Variants in FBXL7 observed in about 807,000 individuals in gnomAD.
The protein encoded by FBXL7 is F-box/LRR-repeat protein 7.
Under a neutral mutation model 38.3 loss-of-function variants are expected in FBXL7, and 12 were observed. The ratio of observed to expected loss-of-function variants is 0.31; its 90% CI spans 0.20 to 0.51. FBXL7 has a LOEUF of 0.51. Among genes scored for constraint, FBXL7 ranks in the 20% least tolerant of loss-of-function variants. FBXL7 has a pLI of 0.98. For synonymous variants in FBXL7, 297 were observed against 300.9 expected, an observed-to-expected ratio of 0.99 and a Z score of 0.13; for missense variants, 567 against 676.4, an observed-to-expected ratio of 0.84 and a Z score of 1.79.
At chr5:15,815,386 T>C (rs1287395268) in intron 2 of FBXL7, among the ~76,000 whole-genome samples, 1 of 152,196 alleles carries the variant, frequency 6.6e-6, no homozygotes, top group Non-Finnish European at 1.5e-5. Context: ...GCAAACTTGC[T>C]AAGCTCTTTG....
chr5:15,822,622 C>CTTTTT (rs371800054), intron 2 of FBXL7, among the ~76,000 whole-genome samples: 32 of 131,772 alleles, frequency 2.4e-4, no homozygotes, highest in African/African-American at 3.2e-4. Context: ...GCTGGTTGCT[C>CTTTTT]TTTTTTTTTT....
intron 2 of FBXL7, among the ~76,000 whole-genome samples, chr5:15,642,648 A>G (rs1182393259): frequency 6.6e-6 from 1 of 152,224 alleles, no homozygotes; most frequent in Admixed American, 6.5e-5. Context: ...GTGGGTTGCC[A>G]TGGAGCAAAC....
At chr5:15,732,652 T>G (rs1378966031) in intron 2 of FBXL7, among the ~76,000 whole-genome samples, 12 of 152,256 alleles carry the variant, frequency 7.9e-5, no homozygotes, top group Admixed American at 7.9e-4. Flanking sequence ...AGTTCATATA[T>G]GTTAAGATTA....
chr5:15,738,920 C>A (rs148875784), intron 2 of FBXL7, among the ~76,000 whole-genome samples: 8 of 152,330 alleles, frequency 5.3e-5, no homozygotes, highest in African/African-American at 1.9e-4. Flanking sequence ...TGATGCCTGT[C>A]CACAGACATC....
chr5:15,634,897 C>T (rs543971997), intron 2 of FBXL7, among the ~76,000 whole-genome samples: 5 of 152,166 alleles, frequency 3.3e-5, no homozygotes, highest in African/African-American at 7.2e-5. Context: ...TCATAAAAAG[C>T]CTTGTGATTA....
chr5:15,749,691 T>C (rs972259699), intron 2 of FBXL7, among the ~76,000 whole-genome samples: 1 of 152,216 alleles, frequency 6.6e-6, no homozygotes, highest in African/African-American at 2.4e-5. Flanking sequence ...AAGACATCAG[T>C]AATGAAAATA....
intron 2 of FBXL7, among the ~76,000 whole-genome samples, chr5:15,850,728 A>G (rs937811278): frequency 1.2e-4 from 19 of 152,160 alleles, no homozygotes; most frequent in African/African-American, 4.1e-4. Flanking sequence ...AGGCTCAGAT[A>G]TCCTAGCTGT....
At chr5:15,502,553 T>C (rs1561007397) in intron 1 of FBXL7, among the ~76,000 whole-genome samples, 1 of 152,176 alleles carries the variant, frequency 6.6e-6, no homozygotes, top group Non-Finnish European at 1.5e-5. Context: ...AGAGGACCAA[T>C]AGGAAGCTTT....
At chr5:15,712,081 G>T (rs1743892285) in intron 2 of FBXL7, among the ~76,000 whole-genome samples, 1 of 152,096 alleles carries the variant, frequency 6.6e-6, no homozygotes, top group Non-Finnish European at 1.5e-5. Flanking sequence ...AGATCCCAGA[G>T]CTTATGTTAT....
intron 2 of FBXL7, among the ~76,000 whole-genome samples, chr5:15,831,460 A>C (rs1738454200): frequency 6.6e-6 from 1 of 152,176 alleles, no homozygotes; most frequent in South Asian, 2.1e-4. Context: ...CACAACAGCT[A>C]GCTAGCCTCA....
At chr5:15,512,139 T>G (rs1040898697) in intron 1 of FBXL7, among the ~76,000 whole-genome samples, 4 of 152,188 alleles carry the variant, frequency 2.6e-5, no homozygotes, top group African/African-American at 9.6e-5. Flanking sequence ...CTCTTATCCT[T>G]TGTTGTTGAA....
At chr5:15,740,225 G>T (rs1366788429) in intron 2 of FBXL7, among the ~76,000 whole-genome samples, 3 of 152,158 alleles carry the variant, frequency 2.0e-5, no homozygotes, top group African/African-American at 4.8e-5. Flanking sequence ...TGTATGTGAA[G>T]ATCATTCTCT....
chr5:15,755,162 T>A (rs895020520), intron 2 of FBXL7, among the ~76,000 whole-genome samples: 2 of 152,202 alleles, frequency 1.3e-5, no homozygotes, highest in Non-Finnish European at 2.9e-5. Flanking sequence ...AAAACAAGTT[T>A]GTAAATATAT....
chr5:15,789,276 G>A (rs1272674835), intron 2 of FBXL7, among the ~76,000 whole-genome samples: 1 of 152,106 alleles, frequency 6.6e-6, no homozygotes, highest in South Asian at 2.1e-4. Context: ...TCATTTTTAT[G>A]TCTCACCCTC....
At chr5:15,807,627 C>T (rs1737748591) in intron 2 of FBXL7, among the ~76,000 whole-genome samples, 1 of 152,082 alleles carries the variant, frequency 6.6e-6, no homozygotes, top group Non-Finnish European at 1.5e-5. Context: ...ATCAAATCCT[C>T]CCTAACTGCA....
chr5:15,567,817 G>C lies in FBXL7; in HGVS notation c.38-48166G>C, dbSNP rs545296354. On this transcript the variant is annotated intron_variant, in intron 1 of 3. Transcript: ENST00000504595. ...TGTGTCCATGTGTTCTCATTGTTCA[G>C]TTCCCACCTATGAGTGAGAACATAC... 1.4e-4 allele frequency among the ~76,000 whole-genome samples: 21 copies of C among 150,986 alleles called. 1 individual carries two copies. In the Admixed American group the frequency reaches 1.4e-3, roughly 10 times the overall value.
chr5:15,808,838 G>T (rs890578976), intron 2 of FBXL7, among the ~76,000 whole-genome samples: 3 of 152,144 alleles, frequency 2.0e-5, no homozygotes, highest in Non-Finnish European at 4.4e-5. Flanking sequence ...ATGTAGGCCT[G>T]TTCTTTTTTG....
At chr5:15,844,534 A>C (rs1579512551) in intron 2 of FBXL7, among the ~76,000 whole-genome samples, 1 of 152,240 alleles carries the variant, frequency 6.6e-6, no homozygotes, top group African/African-American at 2.4e-5. Context: ...GCCATCTCTC[A>C]TGATCGGTAG....
chr5:15,707,174 G>GTTTTTTTTTTTTTTTTTTTGT (rs1743710347), intron 2 of FBXL7, among the ~76,000 whole-genome samples: 1 of 70,392 alleles, frequency 1.4e-5, no homozygotes, highest in Non-Finnish European at 2.4e-5. Context: ...TTTTCTTTTC[G>GTTTTTTTTTTTTTTTTTTTGT]TTTTTTTTTT....
Sources: allele counts gnomAD v4.1 joint callset (sites outside exome capture counted in the v4.1 genomes callset), GRCh38; gene constraint gnomAD v4.1.1; transcripts MANE v1.5; gene names NCBI Gene and HGNC (gene_info 2026-07-23, HGNC 2026-07-21).